The following MYZAP variants were observed in gnomAD, a reference collection of about 807,000 sequenced individuals.
The protein encoded by MYZAP is myocardial zonula adherens protein.
MYZAP carries 66 observed loss-of-function variants against 69.4 expected under a neutral mutation model. The ratio of observed to expected loss-of-function variants is 0.95; its 90% CI spans 0.78 to 1.17. MYZAP has a LOEUF of 1.17. Among genes scored for constraint, MYZAP ranks in the 50% most tolerant of loss-of-function variants. The pLI, the probability that MYZAP is intolerant of heterozygous loss-of-function variation, is 0.00. For synonymous variants in MYZAP, 256 were observed against 205.9 expected (o/e 1.24, Z -2.09); for missense variants, 611 against 556.2 (o/e 1.10, Z -0.99).
chr15:57,673,517 T>TGTGA (rs2038975914), intron 11 of MYZAP, among the ~76,000 whole-genome samples: 2 of 135,488 alleles, frequency 1.5e-5, no homozygotes, highest in African/African-American at 2.8e-5. Flanking sequence ...TGTGTGTGTG[T>TGTGA]GAATGCTGAT....
rs1377027686 is a variant in MYZAP, at chr15:57,618,150, A to G, written c.280A>G (p.Thr94Ala). 1.2e-6 allele frequency: 2 copies of G among 1,614,052 alleles called. No homozygotes were observed. The highest frequency in any genetic ancestry group is 8.5e-7 in the Non-Finnish European group (1 of 1,180,028). Residue 94 changes from threonine to alanine, a missense_variant, in exon 3 of 13, where the codon ACC becomes GCC. By Grantham distance (58) the Thr-to-Ala change is moderately conservative. Transcript: ENST00000267853. ...QKEMVVYGWS[T>A]SQLKEEMNYI... The stretch of plus-strand genomic sequence containing the variant: ...AGAAATGGTGGTGTATGGGTGGTCC[A>G]CCAGTCAGCTGAAAGAAGAGATGAA...
intron 6 of MYZAP, among the ~76,000 whole-genome samples, chr15:57,630,079 G>A (rs1231584659): frequency 4.0e-5 from 6 of 149,584 alleles, no homozygotes; most frequent in Admixed American, 2.0e-4. Context: ...AGCAATTCTC[G>A]TGCCTCAGCC....
At chr15:57,596,208 C>G (rs1178036158) in intron 1 of MYZAP, among the ~76,000 whole-genome samples, 2 of 152,180 alleles carry the variant, frequency 1.3e-5, no homozygotes, top group Non-Finnish European at 2.9e-5. Flanking sequence ...TCTGGGGGCA[C>G]TGATGGAGTG....
chr15:57,620,478 G>C lies in MYZAP; in HGVS notation c.319-1130G>C, dbSNP rs565066359. Among the ~76,000 whole-genome samples the C allele has an allele frequency of 2.6e-5, 4 of 152,330 alleles. No individual in the cohort carries two copies. The East Asian group carries it at 7.7e-4, about 29-fold the overall frequency. ...TACTTTCCCCATCCTAGGGATACCA[G>C]AAGAAGGGAGGAGACAGGGACTGTT... is the stretch of plus-strand genomic sequence containing the variant. On this transcript the variant is annotated intron_variant, in intron 3 of 12. Coordinates refer to ENST00000267853, the MANE Select transcript of MYZAP (RefSeq NM_001018100.5).
At chr15:57,661,374 T>G in intron 10 of MYZAP, 76 bp from the exon 11 acceptor site, 1 of 1,051,016 alleles carries the variant, frequency 9.5e-7, no homozygotes, top group Non-Finnish European at 1.4e-6. Context: ...ACCAAGGGCA[T>G]CTATTCCAGT....
At chr15:57,598,816 C>T (rs1309249321) in intron 1 of MYZAP, among the ~76,000 whole-genome samples, 2 of 152,204 alleles carry the variant, frequency 1.3e-5, no homozygotes, top group Non-Finnish European at 1.5e-5. Context: ...GTGTTTGGCA[C>T]AGACTAGAAC....
At chr15:57,667,224 T>TC (rs1403497735) in intron 11 of MYZAP, among the ~76,000 whole-genome samples, 1 of 152,190 alleles carries the variant, frequency 6.6e-6, no homozygotes, top group African/African-American at 2.4e-5. Flanking sequence ...GGCACTCGGC[T>TC]CCCCACATGC....
rs148332683 is a variant in MYZAP at position 57,684,429 on chromosome 15, G to C, written c.1332G>C (p.Val444=). 80 of 1,613,020 alleles carry C rather than the reference G, an allele frequency of 5.0e-5. No individual in the cohort carries two copies. The highest frequency in any genetic ancestry group is 6.2e-5 in the Non-Finnish European group (73 of 1,179,734). ...PSQTGRTREI[V]MPSRNYTPYT... Reference sequence around the variant, plus strand: ...AAACAGGCAGGACTCGTGAAATTGTGATGCCTTCTAGGAACTACACCCCAT... The same window carrying C: ...AAACAGGCAGGACTCGTGAAATTGTCATGCCTTCTAGGAACTACACCCCAT... Residue 444 remains valine, a synonymous_variant, in exon 13 of 13, where the codon GTG becomes GTC. Coordinates refer to ENST00000267853, the MANE Select transcript of MYZAP (RefSeq NM_001018100.5).
At chr15:57,613,945 A>G (rs549142219) in intron 2 of MYZAP, among the ~76,000 whole-genome samples, 14 of 152,362 alleles carry the variant, frequency 9.2e-5, no homozygotes, top group African/African-American at 2.6e-4. Context: ...TAAAGGATAC[A>G]AGAGGAGAGA....
chr15:57,681,984 A>T (rs2039470894), intron 12 of MYZAP, among the ~76,000 whole-genome samples: 2 of 151,672 alleles, frequency 1.3e-5, no homozygotes, highest in African/African-American at 4.8e-5. Flanking sequence ...AAGGGATTCG[A>T]CTCTTAGGCT....
intron 12 of MYZAP, 86 bp from the exon 13 acceptor site, chr15:57,684,316 A>G: frequency 1.2e-6 from 1 of 842,898 alleles, no homozygotes; most frequent in Non-Finnish European, 2.0e-6. Flanking sequence ...CTTAAACACC[A>G]TTTTCTAGAG....
chr15:57,593,631 G>A (rs746230303), intron 1 of MYZAP, among the ~76,000 whole-genome samples: 2 of 152,126 alleles, frequency 1.3e-5, no homozygotes, highest in African/African-American at 4.8e-5. Flanking sequence ...TTAATTATAG[G>A]TGCTTTGCTG....
At chr15:57,675,604 C>T (rs1168433861) in intron 12 of MYZAP, among the ~76,000 whole-genome samples, 1 of 152,132 alleles carries the variant, frequency 6.6e-6, no homozygotes, top group African/African-American at 2.4e-5. Context: ...TTCATAAATA[C>T]CTGATCTGCT....
chr15:57,681,553 T>A (rs2039442629), intron 12 of MYZAP, among the ~76,000 whole-genome samples: 2 of 151,926 alleles, frequency 1.3e-5, no homozygotes, highest in Admixed American at 6.6e-5. Flanking sequence ...GGAGGCCGAG[T>A]TGGGCGGATC....
intron 10 of MYZAP, among the ~76,000 whole-genome samples, chr15:57,641,082 G>A (rs755090741): frequency 1.3e-5 from 2 of 152,154 alleles, no homozygotes; most frequent in African/African-American, 2.4e-5. Context: ...TCCCCTATGC[G>A]AGTCTCTAAC....
intron 2 of MYZAP, among the ~76,000 whole-genome samples, chr15:57,616,941 G>A (rs760567111): frequency 6.7e-6 from 1 of 148,360 alleles, no homozygotes; most frequent in Non-Finnish European, 1.5e-5. Context: ...CTGTGCTGTG[G>A]GATTGTCGAG....
intron 10 of MYZAP, among the ~76,000 whole-genome samples, chr15:57,651,094 A>T (rs1424412620): frequency 2.6e-5 from 4 of 152,126 alleles, no homozygotes; most frequent in Admixed American, 6.5e-5. Flanking sequence ...AGGGGAGAGG[A>T]GCACGGAGGA....
At chr15:57,683,294 G>T (rs1465205312) in intron 12 of MYZAP, among the ~76,000 whole-genome samples, 1 of 152,090 alleles carries the variant, frequency 6.6e-6, no homozygotes, top group East Asian at 1.9e-4. Context: ...CCTTGCAGTA[G>T]GCCAAAAGGA....
intron 2 of MYZAP, among the ~76,000 whole-genome samples, chr15:57,614,524 C>T (rs531095793): frequency 4.2e-4 from 64 of 152,172 alleles, no homozygotes; most frequent in Non-Finnish European, 7.1e-4. Context: ...CAGTGCAGAT[C>T]GAGGGAACAG....
Sources: gnomAD v4.1 joint callset for allele counts (sites outside exome capture counted in the v4.1 genomes callset) on GRCh38, gnomAD v4.1.1 for gene constraint, MANE v1.5 for transcripts, NCBI Gene and HGNC (gene_info 2026-07-23, HGNC 2026-07-21) for gene names.